CSMD1: variants seen among roughly 807,000 people sequenced by gnomAD.
CSMD1 encodes the protein CUB and sushi domain-containing protein 1.
Under a neutral mutation model 417.5 loss-of-function variants are expected in CSMD1, and 213 were observed. The ratio of observed to expected loss-of-function variants is 0.51; its 90% CI spans 0.46 to 0.57. CSMD1 has a LOEUF of 0.57. Among genes scored for constraint, CSMD1 ranks in the 20% least tolerant of loss-of-function variants. The pLI, the probability that CSMD1 is intolerant of heterozygous loss-of-function variation, is 0.00. For synonymous variants in CSMD1, 2,862 were observed against 1,736.8 expected, an observed-to-expected ratio of 1.65 and a Z score of -16.11; for missense variants, 6,923 against 4,529.7, an observed-to-expected ratio of 1.53 and a Z score of -15.17.
chr8:3,898,876 G>C (rs924408562), intron 5 of CSMD1, among the ~76,000 whole-genome samples: 1 of 151,924 alleles, frequency 6.6e-6, no homozygotes, highest in Admixed American at 6.6e-5. Context: ...TACTCTGTTG[G>C]TCCCCTTAGG....
chr8:3,139,905 CTT>C (rs56391105), intron 41 of CSMD1, among the ~76,000 whole-genome samples: 179 of 127,090 alleles, frequency 1.4e-3, no homozygotes, highest in Non-Finnish European at 1.6e-3. Context: ...TTCTTTCTTT[CTT>C]TTTTTTTTTT....
intron 1 of CSMD1, among the ~76,000 whole-genome samples, chr8:4,760,609 A>G (rs974345726): frequency 2.0e-5 from 3 of 152,212 alleles, no homozygotes; most frequent in African/African-American, 7.2e-5. Context: ...AAATAGAAAA[A>G]TATAAAATAC....
chr8:3,399,498 G>A lies in CSMD1; in HGVS notation c.2298C>T (p.Ser766=), dbSNP rs768343391. ...APCGGHLTAS[S]GVILPPGWPG... is the part of the protein sequence containing the mutation. ...GCCATCCAGGAGGCAAAATGACTCC[G>A]CTGGACGCTGTCAGATGTCCACCAC... Residue 766 remains serine, a synonymous_variant, in exon 16 of 70, where the codon AGC becomes AGT. Coordinates refer to ENST00000635120, the MANE Select transcript of CSMD1 (RefSeq NM_033225.6). The A allele has an allele frequency of 4.4e-5, 71 of 1,604,412 alleles. No individual in the cohort carries two copies. Among genetic ancestry groups the A allele is most frequent in the South Asian group, 6.8e-5 (6 of 88,410 alleles).
chr8:4,131,839 T>C (rs899674126), intron 3 of CSMD1, among the ~76,000 whole-genome samples: 4 of 134,864 alleles, frequency 3.0e-5, no homozygotes, highest in African/African-American at 5.5e-5. Context: ...CCCGGCTCAC[T>C]GCAAGCTCCA....
chr8:3,531,698 C>A (rs1797987575), intron 10 of CSMD1, among the ~76,000 whole-genome samples: 2 of 152,194 alleles, frequency 1.3e-5, no homozygotes, highest in Non-Finnish European at 2.9e-5. Flanking sequence ...GAGTCCTCAG[C>A]AGAACTTCCC....
In CSMD1 at chr8:3,279,440, T is replaced by G. The variant is rs531017333; in HGVS notation, c.4153+4704A>C. On this transcript the variant is annotated intron_variant, in intron 26 of 69. Transcript: ENST00000635120. The stretch of plus-strand genomic sequence containing the variant: ...ATGACTTTTATTTTACAGCCCTGAT[T>G]GTAGTACACTCACAGGCATTTCATA... Among the ~76,000 whole-genome samples, 4 of 152,304 alleles carry G rather than the reference T, an allele frequency of 2.6e-5. No individual in the cohort carries two copies. The East Asian group carries it at 7.7e-4, about 29-fold the overall frequency.
At chr8:4,615,854 C>A (rs1801444367) in intron 2 of CSMD1, among the ~76,000 whole-genome samples, 1 of 152,066 alleles carries the variant, frequency 6.6e-6, no homozygotes, top group Non-Finnish European at 1.5e-5. Context: ...ATATATTATT[C>A]TTTCAAAAGC....
chr8:3,064,192 A>T (rs1314528370), intron 49 of CSMD1, among the ~76,000 whole-genome samples: 7 of 152,202 alleles, frequency 4.6e-5, no homozygotes, highest in African/African-American at 1.7e-4. Context: ...TTCTCAAAAC[A>T]TTGATCTGAA....
chr8:4,695,230 C>A (rs903787243), intron 1 of CSMD1, among the ~76,000 whole-genome samples: 4 of 152,140 alleles, frequency 2.6e-5, no homozygotes, highest in Non-Finnish European at 4.4e-5. Context: ...TGCCTGTCTT[C>A]TGAAGGTTTC....
At chr8:3,340,804 T>G (rs1807593906) in intron 23 of CSMD1, among the ~76,000 whole-genome samples, 1 of 152,160 alleles carries the variant, frequency 6.6e-6, no homozygotes, top group African/African-American at 2.4e-5. Context: ...CACCAGACAG[T>G]ATGTTCCAGC....
At chr8:3,820,271 G>A (rs1250662332) in intron 5 of CSMD1, among the ~76,000 whole-genome samples, 1 of 152,186 alleles carries the variant, frequency 6.6e-6, no homozygotes, top group African/African-American at 2.4e-5. Flanking sequence ...TGGGAAGGTA[G>A]AAATATGTGT....
Position 3,859,567 on chromosome 8 carries a change from G to A in CSMD1, c.819-105525C>T, listed in dbSNP as rs577520968. On this transcript the variant is annotated intron_variant, in intron 5 of 69. Transcript: ENST00000635120. ...AGGCTAACTACATCTAACAATCTTA[G>A]TGCGAAGTTGGGTCATGCCAGAAAG... is the stretch of plus-strand genomic sequence containing the variant. Among the ~76,000 whole-genome samples the A allele has an allele frequency of 2.0e-5, 3 of 152,234 alleles. No homozygotes were observed. In the South Asian group the frequency reaches 6.2e-4, roughly 32 times the overall value.
chr8:3,231,683 T>C (rs1249470041), intron 26 of CSMD1, among the ~76,000 whole-genome samples: 2 of 152,182 alleles, frequency 1.3e-5, no homozygotes, highest in South Asian at 2.1e-4. Flanking sequence ...TGTTAAACTG[T>C]GCAGATTAAA....
At chr8:4,029,047 T>C (rs552565904) in intron 4 of CSMD1, among the ~76,000 whole-genome samples, 3 of 152,292 alleles carry the variant, frequency 2.0e-5, no homozygotes, top group African/African-American at 7.2e-5. Context: ...AATCACCTTA[T>C]CTGAGAAGAC....
At chr8:3,299,688 C>T (rs1402845736) in intron 25 of CSMD1, among the ~76,000 whole-genome samples, 5 of 152,094 alleles carry the variant, frequency 3.3e-5, no homozygotes, top group African/African-American at 7.2e-5. Context: ...ACCGGAAATG[C>T]AGGTGGGAGG....
At chr8:3,551,578 G>GTATATATATATATATA (rs55961739) in intron 10 of CSMD1, among the ~76,000 whole-genome samples, 2 of 117,696 alleles carry the variant, frequency 1.7e-5, no homozygotes, top group Non-Finnish European at 3.5e-5. Flanking sequence ...TAATAAATAT[G>GTATATATATATATATA]TATATATATA....
chr8:3,177,448 C>G (rs1327285464), intron 37 of CSMD1, among the ~76,000 whole-genome samples: 2 of 152,178 alleles, frequency 1.3e-5, no homozygotes, highest in East Asian at 3.9e-4. Context: ...GCAGCAAAAC[C>G]TGTCATTTCA....
chr8:4,429,701 G>C (rs1015850513), intron 2 of CSMD1, among the ~76,000 whole-genome samples: 51 of 152,168 alleles, frequency 3.4e-4, no homozygotes, highest in Admixed American at 4.6e-4. Context: ...AAAAGAACAG[G>C]AGCTCCATGA....
At chr8:4,647,359 G>A (rs201473521) in intron 1 of CSMD1, among the ~76,000 whole-genome samples, 6 of 151,380 alleles carry the variant, frequency 4.0e-5, no homozygotes, top group African/African-American at 1.5e-4. Flanking sequence ...CGTGTGCCAC[G>A]GCGGCCTGCT....
Sources: gnomAD v4.1 joint callset for allele counts (sites outside exome capture counted in the v4.1 genomes callset) on GRCh38, gnomAD v4.1.1 for gene constraint, MANE v1.5 for transcripts, NCBI Gene and HGNC (gene_info 2026-07-23, HGNC 2026-07-21) for gene names.